FAF1: variants seen among roughly 807,000 people sequenced by gnomAD.
FAF1 encodes the protein Fas associated factor 1.
Under a neutral mutation model 92.5 loss-of-function variants are expected in FAF1, and 25 were observed. That is an observed-to-expected ratio of 0.27 (90% CI 0.20 to 0.38). The LOEUF (loss-of-function observed/expected upper bound fraction) is 0.38. Among genes scored for constraint, FAF1 ranks in the 10% least tolerant of loss-of-function variants. The pLI, the probability that FAF1 is intolerant of heterozygous loss-of-function variation, is 1.00. For synonymous variants in FAF1, 234 were observed against 273.2 expected, an observed-to-expected ratio of 0.86 and a Z score of 1.42; for missense variants, 636 against 793.3, an observed-to-expected ratio of 0.80 and a Z score of 2.38.
chr1:50,695,554 T>G (rs949362467), intron 7 of FAF1, among the ~76,000 whole-genome samples: 2 of 152,276 alleles, frequency 1.3e-5, no homozygotes, highest in Non-Finnish European at 1.5e-5. Flanking sequence ...ATATAAAAAT[T>G]CTAGAGTTGC....
chr1:50,620,487 T>G (rs2124173678), intron 8 of FAF1, among the ~76,000 whole-genome samples: 1 of 152,328 alleles, frequency 6.6e-6, no homozygotes, highest in South Asian at 2.1e-4. Flanking sequence ...TTGGATTGGG[T>G]TTCAATTTTC....
chr1:50,679,647 T>C (rs972207288), intron 7 of FAF1, among the ~76,000 whole-genome samples: 2 of 152,192 alleles, frequency 1.3e-5, no homozygotes, highest in African/African-American at 2.4e-5. Context: ...TTCATTCCCC[T>C]GAATCTCACT....
chr1:50,446,579 G>A (rs115623373), intron 18 of FAF1, among the ~76,000 whole-genome samples: 1,999 of 152,274 alleles, frequency 0.013, 42 homozygotes, highest in African/African-American at 0.044. Context: ...CTGAGGGCAG[G>A]AGCTGAGTAA....
chr1:50,606,611 T>G (rs1437274377), intron 8 of FAF1, among the ~76,000 whole-genome samples: 2 of 148,244 alleles, frequency 1.3e-5, no homozygotes, highest in African/African-American at 4.9e-5. Context: ...GCGATTCTCC[T>G]GCTTCAGCCT....
At chr1:50,885,322 A>ACACACACACACACACACACACACC (rs1644651296) in intron 1 of FAF1, among the ~76,000 whole-genome samples, 1 of 117,908 alleles carries the variant, frequency 8.5e-6, no homozygotes, top group Non-Finnish European at 1.8e-5. Context: ...TCACACACAC[A>ACACACACACACACACACACACACC]CACTCTCTCT....
intron 4 of FAF1, among the ~76,000 whole-genome samples, chr1:50,772,564 C>G (rs1246780616): frequency 6.6e-6 from 1 of 152,128 alleles, no homozygotes; most frequent in Middle Eastern, 3.2e-3. Flanking sequence ...ATGGATGGAG[C>G]TGGAGGGCAT....
intron 17 of FAF1, among the ~76,000 whole-genome samples, chr1:50,477,177 T>C (rs1025606675): frequency 6.6e-6 from 1 of 152,228 alleles, no homozygotes; most frequent in Non-Finnish European, 1.5e-5. Flanking sequence ...ATTTCTGCAA[T>C]GTATAGACAA....
At chr1:50,546,058 T>C (rs1649000841) in intron 13 of FAF1, among the ~76,000 whole-genome samples, 2 of 152,094 alleles carry the variant, frequency 1.3e-5, no homozygotes, top group Non-Finnish European at 2.9e-5. Flanking sequence ...CCCAGCTACT[T>C]GGGAGGCTGG....
chr1:50,491,974 G>A (rs886685275), intron 15 of FAF1, among the ~76,000 whole-genome samples, 173 bp from the exon 16 acceptor site: 36 of 152,094 alleles, frequency 2.4e-4, no homozygotes, highest in South Asian at 1.2e-3. Flanking sequence ...TGAGCAGCAT[G>A]GTACATAGTG....
chr1:50,786,058 A>T lies in FAF1; in HGVS notation c.367+1942T>A, dbSNP rs565834453. Among the ~76,000 whole-genome samples the T allele has an allele frequency of 2.0e-5, 3 of 152,058 alleles. No homozygotes were observed. The South Asian group carries it at 6.2e-4, about 32-fold the overall frequency. On this transcript the variant is annotated intron_variant, in intron 4 of 18. Transcript: ENST00000396153. ...CAAGGCAGGGGGACTGCTTGAGCCC[A>T]GAGTTTGAGGCTACAGTGAGCCGCG...
intron 12 of FAF1, among the ~76,000 whole-genome samples, chr1:50,581,723 A>C (rs1650993746): frequency 6.6e-6 from 1 of 152,154 alleles, no homozygotes; most frequent in Non-Finnish European, 1.5e-5. Flanking sequence ...TCAGAGGAGG[A>C]GGAGGAGTCA....
At chr1:50,725,381 A>C (rs1429787298) in intron 6 of FAF1, among the ~76,000 whole-genome samples, 1 of 152,202 alleles carries the variant, frequency 6.6e-6, no homozygotes. Flanking sequence ...TAAGAACTCT[A>C]TTCTCGCTTA....
chr1:50,613,711 T>A (rs1342251622), intron 8 of FAF1, among the ~76,000 whole-genome samples: 1 of 152,142 alleles, frequency 6.6e-6, no homozygotes, highest in Non-Finnish European at 1.5e-5. Context: ...CAAGAAATAG[T>A]AAGTAATCAC....
chr1:50,669,611 T>C (rs1317136288), intron 7 of FAF1, among the ~76,000 whole-genome samples: 2 of 152,240 alleles, frequency 1.3e-5, no homozygotes, highest in African/African-American at 4.8e-5. Context: ...TTAGTATTTC[T>C]AGGACATATG....
At chr1:50,951,166 G>A (rs1645211463) in intron 1 of FAF1, among the ~76,000 whole-genome samples, 1 of 152,228 alleles carries the variant, frequency 6.6e-6, no homozygotes, top group Non-Finnish European at 1.5e-5. Flanking sequence ...CCGGGGAGAT[G>A]GAGGTTGCAC....
chr1:50,512,196 C>A (rs183930304), intron 15 of FAF1, among the ~76,000 whole-genome samples: 2 of 152,176 alleles, frequency 1.3e-5, no homozygotes, highest in Non-Finnish European at 2.9e-5. Context: ...GTTGCCTGTT[C>A]ATTCTGATGA....
intron 8 of FAF1, among the ~76,000 whole-genome samples, chr1:50,623,461 C>T (rs1189920276): frequency 6.6e-6 from 1 of 151,140 alleles, no homozygotes; most frequent in South Asian, 2.1e-4. Context: ...CCCAGCTACT[C>T]GGGAGGCTGA....
intron 1 of FAF1, among the ~76,000 whole-genome samples, chr1:50,877,993 T>C (rs1156385770): frequency 1.3e-5 from 2 of 152,252 alleles, no homozygotes; most frequent in Non-Finnish European, 2.9e-5. Context: ...TGGTTTTACC[T>C]ACCACTATCA....
chr1:50,582,187 A>G (rs1050832970), intron 12 of FAF1, among the ~76,000 whole-genome samples: 1 of 152,198 alleles, frequency 6.6e-6, no homozygotes, highest in East Asian at 1.9e-4. Context: ...ACTGAAAAGA[A>G]TACAAATATG....
Sources: gnomAD v4.1 joint callset for allele counts (sites outside exome capture counted in the v4.1 genomes callset) on GRCh38, gnomAD v4.1.1 for gene constraint, MANE v1.5 for transcripts, NCBI Gene and HGNC (gene_info 2026-07-23, HGNC 2026-07-21) for gene names.